The following TMPRSS3 variants were observed in gnomAD, a reference collection of about 807,000 sequenced individuals.
The protein encoded by TMPRSS3 is transmembrane serine protease 3.
TMPRSS3 carries 55 observed loss-of-function variants against 59.6 expected under a neutral mutation model. That is an observed-to-expected ratio of 0.92 (90% confidence interval 0.74 to 1.16). The LOEUF (loss-of-function observed/expected upper bound fraction) is 1.16, where lower values mean the gene tolerates loss of function less well. Ranked by LOEUF, TMPRSS3 falls within the 50% of genes most tolerant of loss-of-function variation. TMPRSS3 has a pLI of 0.00. For missense variants in TMPRSS3, 596 were observed against 579.4 expected (o/e 1.03, Z -0.29); for synonymous variants, 257 against 237.7 (o/e 1.08, Z -0.75).
chr21:42,387,924 C>T (rs1177547961), intron 5 of TMPRSS3, among the ~76,000 whole-genome samples: 2 of 152,218 alleles, frequency 1.3e-5, no homozygotes, highest in Non-Finnish European at 2.9e-5. Context: ...CTACATGTTG[C>T]TAAACAAGTG....
intron 8 of TMPRSS3, chr21:42,382,526 C>A (rs1002144545): frequency 2.1e-6 from 1 of 469,888 alleles, no homozygotes. Context: ...TCAGGCACTA[C>A]TGTTCATCAA....
In TMPRSS3 at chr21:42,395,439, G is replaced by A. The variant is rs373324024; in HGVS notation, c.-22C>T. On this transcript the variant is annotated 5_prime_UTR_variant, in exon 2 of 13. Transcript: ENST00000644384. ...CCATGGTGACTATTTCAGGACCTCT[G>A]ACATCCGGCTCCGCCTCCACCTCTA... 1 of 1,604,740 alleles carries A rather than the reference G, an allele frequency of 6.2e-7. No homozygotes were observed. Among genetic ancestry groups the A allele is most frequent in the South Asian group, 1.1e-5 (1 of 90,860 alleles).
At chr21:42,384,097 C>G (rs748193443) in intron 6 of TMPRSS3, 84 bp from the exon 7 acceptor site, 28 of 1,320,446 alleles carry the variant, frequency 2.1e-5, no homozygotes, top group Non-Finnish European at 2.7e-5. Context: ...CTTAGGGTAA[C>G]AGAAAAATAA....
In TMPRSS3 at chr21:42,371,969, T is replaced by C. The variant is rs771631125; in HGVS notation, c.*793A>G. ...AAATGCTACAAAGAAATCATGAAAA[T>C]AGGCCTTAAACGAGTCATTCCTAGA... On this transcript the variant is annotated 3_prime_UTR_variant, in exon 13 of 13. Transcript: ENST00000644384. The C allele has an allele frequency of 8.8e-6, 4 of 454,466 alleles. No homozygotes were observed. The highest frequency in any genetic ancestry group is 6.0e-5 in the African/African-American group (3 of 49,980). The allele number at this position is 454,466 out of a possible 1,614,324, so 28.2% of individuals were successfully genotyped here. A position where few individuals can be genotyped will look rare whatever the true frequency, so the allele number is the denominator to read the frequency against.
At chr21:42,380,650 A>T (rs1397887346) in intron 9 of TMPRSS3, among the ~76,000 whole-genome samples, 1 of 152,144 alleles carries the variant, frequency 6.6e-6, no homozygotes, top group Non-Finnish European at 1.5e-5. Flanking sequence ...ACGCGTGCCC[A>T]CTCCTGGCTA....
intron 12 of TMPRSS3, 118 bp downstream of exon 12, chr21:42,375,598 C>G (rs1201988527): frequency 7.5e-7 from 1 of 1,335,888 alleles, no homozygotes; most frequent in Non-Finnish European, 1.1e-6. Flanking sequence ...GTCACTGCTG[C>G]TGAATTGACA....
chr21:42,389,403 C>G (rs1016558435), intron 3 of TMPRSS3, among the ~76,000 whole-genome samples: 3 of 152,224 alleles, frequency 2.0e-5, no homozygotes, highest in Non-Finnish European at 4.4e-5. Context: ...TTCCTGGTTT[C>G]TCTTACCGAA....
At chr21:42,374,506 T>C (rs988677094) in intron 12 of TMPRSS3, among the ~76,000 whole-genome samples, 1 of 152,226 alleles carries the variant, frequency 6.6e-6, no homozygotes, top group African/African-American at 2.4e-5. Flanking sequence ...TGTTTCAAAT[T>C]AAATGAGCTT....
rs1298596179 is a variant in TMPRSS3, at chr21:42,388,090, G to A, written c.446+313C>T. On this transcript the variant is annotated intron_variant, in intron 5 of 12. Transcript: ENST00000644384. The surrounding 1 kb of genome is among the most constrained non-coding windows in gnomAD (Gnocchi z 5.1). ...AGGAGCTGCAAGCTGAGGAGCTGGAGGGTTTTTTGGTTTTGTTTTTGTTTT... is the reference window on the plus strand; with the variant it reads ...AGGAGCTGCAAGCTGAGGAGCTGGAAGGTTTTTTGGTTTTGTTTTTGTTTT... Among the ~76,000 whole-genome samples the A allele has an allele frequency of 1.3e-5, 2 of 152,188 alleles. No individual in the cohort carries two copies. Among genetic ancestry groups the A allele is most frequent in the Non-Finnish European group, 2.9e-5 (2 of 68,028 alleles).
chr21:42,381,724 G>A (rs1338367653), intron 9 of TMPRSS3, among the ~76,000 whole-genome samples: 6 of 152,184 alleles, frequency 3.9e-5, no homozygotes, highest in Non-Finnish European at 7.3e-5. Flanking sequence ...AATCTACCTG[G>A]CAGAGTCATC....
At chr21:42,381,967 A>AT in intron 9 of TMPRSS3, 98 bp downstream of exon 9, 1 of 1,442,712 alleles carries the variant, frequency 6.9e-7, no homozygotes, top group Non-Finnish European at 9.8e-7. Context: ...TCTGACAAGG[A>AT]TTATAAAGCA....
rs776173937 is a variant in TMPRSS3, at chr21:42,376,600, T to C, written c.1132A>G (p.Ile378Val). The change falls in exon 11 of 13, where the codon ATC (isoleucine) becomes GTC (valine). Residue 378 changes from isoleucine (I) to valine (V), a missense_variant. By Grantham distance (29) the Ile-to-Val change is conservative (BLOSUM62 3). Coordinates refer to ENST00000644384, the MANE Select transcript of TMPRSS3 (RefSeq NM_001256317.3). Reference sequence around the variant, plus strand: ...GCGCAGAGCATGGAGGGGGAGATGATGCCACCGTACACGTCCCTGTGGTTG... The same window carrying C: ...GCGCAGAGCATGGAGGGGGAGATGACGCCACCGTACACGTCCCTGTGGTTG... Reference protein sequence around the residue: ...ICNHRDVYGGIISPSMLCAGY... With the variant: ...ICNHRDVYGGVISPSMLCAGY... 8 of 1,613,958 alleles carry C rather than the reference T, an allele frequency of 5.0e-6. No homozygotes were observed. The Admixed American group carries it at 1.3e-4, about 27-fold the overall frequency.
intron 2 of TMPRSS3, among the ~76,000 whole-genome samples, chr21:42,391,084 C>T (rs1181996323): frequency 6.6e-6 from 1 of 152,218 alleles, no homozygotes; most frequent in Non-Finnish European, 1.5e-5. Context: ...GAAGTAGCAT[C>T]CCAACTTCCA....
Position 42,372,150 on chromosome 21 carries a change from C to CAT in TMPRSS3, c.*610_*611dup. 2 of 453,238 alleles carry CAT rather than the reference C, an allele frequency of 4.4e-6. No homozygotes were observed. The highest frequency in any genetic ancestry group is 8.8e-6 in the Non-Finnish European group (2 of 226,082). 28.1% of individuals were successfully genotyped at this position (453,238 alleles called of 1,614,324 possible). On this transcript the variant is annotated 3_prime_UTR_variant, in exon 13 of 13. Transcript: ENST00000644384. ...GTTGGTGGCTTTGCACGTGAGGTCA[C>CAT]ATAACTGCTTATCTCGTCAGGAATT...
At chr21:42,383,232 C>G in intron 7 of TMPRSS3, 34 bp from the exon 8 acceptor site, 4 of 1,612,134 alleles carry the variant, frequency 2.5e-6, no homozygotes, top group Non-Finnish European at 3.4e-6. Flanking sequence ...TGGGTCCACC[C>G]TGCAGACTTC....
intron 9 of TMPRSS3, 35 bp downstream of exon 9, chr21:42,382,030 A>T (rs2052538589): frequency 6.2e-7 from 1 of 1,614,192 alleles, no homozygotes; most frequent in Non-Finnish European, 8.5e-7. Flanking sequence ...GAAACAAAGG[A>T]AGAGCTGCAG....
At chr21:42,383,565 C>T (rs563801471) in intron 7 of TMPRSS3, 19 of 506,146 alleles carry the variant, frequency 3.8e-5, no homozygotes, top group Non-Finnish European at 6.2e-5. Flanking sequence ...GGTGCACGCA[C>T]CTCCCTGACT....
intron 6 of TMPRSS3, among the ~76,000 whole-genome samples, chr21:42,385,047 C>CCTTCCTT (rs1555854378): frequency 2.2e-5 from 2 of 92,088 alleles, no homozygotes; most frequent in Non-Finnish European, 3.9e-5. Flanking sequence ...CTCCCTCCCT[C>CCTTCCTT]CCTTCCTTCC....
intron 3 of TMPRSS3, chr21:42,389,247 A>G: frequency 9.7e-7 from 1 of 1,030,460 alleles, no homozygotes; most frequent in East Asian, 2.7e-5. Flanking sequence ...GCCCCACTTT[A>G]TCTCGCTATG....
Sources: allele counts gnomAD v4.1 joint callset (sites outside exome capture counted in the v4.1 genomes callset), GRCh38; gene constraint gnomAD v4.1.1; non-coding constraint Gnocchi (gnomAD v3.1); transcripts MANE v1.5; gene names NCBI Gene and HGNC (gene_info 2026-07-23, HGNC 2026-07-21).